Variants in MYOCD observed in about 807,000 individuals in gnomAD.
MYOCD encodes myocardin.
MYOCD carries 32 observed loss-of-function variants against 96.1 expected under a neutral mutation model. The observed-to-expected ratio is 0.33, with a 90% CI of 0.25 to 0.45. The LOEUF is 0.45. Ranked by LOEUF, MYOCD falls within the 20% of genes least tolerant of loss-of-function variation. MYOCD has a pLI of 1.00. For missense variants in MYOCD, 1,133 were observed against 1,200.6 expected (o/e 0.94, Z 0.83); for synonymous variants, 469 against 469.0 (o/e 1.00, Z 0.00).
chr17:12,685,907 G>A lies in MYOCD; in HGVS notation c.56-19221G>A, dbSNP rs191340528. Among the ~76,000 whole-genome samples the A allele has an allele frequency of 2.6e-5, 4 of 152,310 alleles. No homozygotes were observed. The East Asian group carries it at 7.7e-4, about 29-fold the overall frequency. ...AACTTGAATTTGTAGATACACACACGAATGCATGAGCACCAGGCTGGCCTG... is the reference window on the plus strand; with the variant it reads ...AACTTGAATTTGTAGATACACACACAAATGCATGAGCACCAGGCTGGCCTG... On this transcript the variant is annotated intron_variant, in intron 1 of 13. Coordinates refer to ENST00000425538, the MANE Select transcript of MYOCD (RefSeq NM_001146312.3).
chr17:12,678,814 G>A (rs1295354407), intron 1 of MYOCD, among the ~76,000 whole-genome samples: 1 of 152,124 alleles, frequency 6.6e-6, no homozygotes, highest in African/African-American at 2.4e-5. Context: ...TCCTGCCTCA[G>A]CCTCTGAAGT....
intron 1 of MYOCD, among the ~76,000 whole-genome samples, chr17:12,692,950 ACT>A (rs1567574403): frequency 1.3e-5 from 2 of 151,964 alleles, no homozygotes; most frequent in Non-Finnish European, 2.9e-5. Context: ...TAAACTCTGC[ACT>A]CTCTGGTCGC....
At chr17:12,707,731 A>C (rs1447759319) in intron 2 of MYOCD, among the ~76,000 whole-genome samples, 1 of 151,764 alleles carries the variant, frequency 6.6e-6, no homozygotes, top group Non-Finnish European at 1.5e-5. Context: ...ATAAATAAAT[A>C]AGTAAATAAA....
At chr17:12,689,012 T>C (rs1194059550) in intron 1 of MYOCD, among the ~76,000 whole-genome samples, 1 of 152,138 alleles carries the variant, frequency 6.6e-6, no homozygotes. Flanking sequence ...CACAAACACG[T>C]TGTTCTTAAA....
At chr17:12,723,716 CAG>C (rs1238986636) in intron 5 of MYOCD, among the ~76,000 whole-genome samples, 1 of 152,166 alleles carries the variant, frequency 6.6e-6, no homozygotes, top group Non-Finnish European at 1.5e-5. Context: ...ACTATGGTAT[CAG>C]GGAGAAAGGG....
At position 12,717,337 on chromosome 17, in the gene MYOCD, G is replaced by A; in HGVS notation, c.178-9G>A. The A allele has an allele frequency of 6.2e-7, 1 of 1,612,448 alleles. No individual in the cohort carries two copies. The highest frequency in any genetic ancestry group is 8.5e-7 in the Non-Finnish European group (1 of 1,178,850). On this transcript the variant is annotated splice_polypyrimidine_tract_variant and intron_variant, in intron 3 of 13. Transcript: ENST00000425538. The stretch of plus-strand genomic sequence containing the variant: ...AAACTAGGTGATTTCTCTTGTTTGG[G>A]TTCTACAGGCTAAAAATTCCCTGAA...
intron 10 of MYOCD, among the ~76,000 whole-genome samples, chr17:12,755,049 A>C (rs1282904775): frequency 6.6e-6 from 1 of 152,248 alleles, no homozygotes. Context: ...AGTAATTTTT[A>C]CAAACCTACA....
intron 10 of MYOCD, among the ~76,000 whole-genome samples, 185 bp from the exon 11 acceptor site, chr17:12,756,229 A>C (rs2033007925): frequency 6.6e-6 from 1 of 152,176 alleles, no homozygotes; most frequent in Admixed American, 6.5e-5. Context: ...GAGCCACTGG[A>C]AGTTTCTGAG....
Position 12,715,567 on chromosome 17 carries a change from G to T in MYOCD, c.170G>T (p.Ser57Ile). The stretch of plus-strand genomic sequence containing the variant: ...CATGAGCAAAGAAAACATTTGGATA[G>T]TGACAAGGTAATTTTTGCAAATTTC... ...EFHEQRKHLD[S>I]DKAKNSLKRK... Residue 57 changes from serine (S) to isoleucine (I), a missense_variant, in exon 3 of 14, where the codon AGT (serine) becomes ATT (isoleucine). Coordinates refer to ENST00000425538, the MANE Select transcript of MYOCD (RefSeq NM_001146312.3). 1.2e-6 allele frequency: 2 copies of T among 1,613,454 alleles called. No individual in the cohort carries two copies. Among genetic ancestry groups the T allele is most frequent in the South Asian group, 2.2e-5 (2 of 90,886 alleles).
chr17:12,688,954 A>C (rs1472548909), intron 1 of MYOCD, among the ~76,000 whole-genome samples: 2 of 152,168 alleles, frequency 1.3e-5, no homozygotes, highest in Non-Finnish European at 2.9e-5. Context: ...AACTAATGTG[A>C]ATTAATTAGT....
intron 1 of MYOCD, among the ~76,000 whole-genome samples, chr17:12,690,555 G>GA: frequency 6.6e-6 from 1 of 152,150 alleles, no homozygotes; most frequent in Middle Eastern, 3.4e-3. Flanking sequence ...AGAACATATT[G>GA]AAAAAAATGG....
Position 12,763,672 on chromosome 17 carries a change from G to A in MYOCD, c.*28G>A. The stretch of plus-strand genomic sequence containing the variant: ...TGCCCAATGCACCAGTGCTATGGAA[G>A]ACCAATGGAGTTCCATGGGGGAAAG... On this transcript the variant is annotated 3_prime_UTR_variant, in exon 14 of 14. Coordinates refer to ENST00000425538, the MANE Select transcript of MYOCD (RefSeq NM_001146312.3). 1 of 1,555,904 alleles carries A rather than the reference G, an allele frequency of 6.4e-7. No individual in the cohort carries two copies. Among genetic ancestry groups the A allele is most frequent in the Non-Finnish European group, 8.8e-7 (1 of 1,141,042 alleles).
intron 1 of MYOCD, among the ~76,000 whole-genome samples, chr17:12,676,236 C>T (rs929689631): frequency 7.7e-5 from 8 of 104,486 alleles, no homozygotes; most frequent in Admixed American, 5.8e-4. Context: ...CCTCCCCCTG[C>T]GCGCGCACGC....
At chr17:12,723,997 T>C (rs1245433212) in intron 5 of MYOCD, among the ~76,000 whole-genome samples, 1 of 152,156 alleles carries the variant, frequency 6.6e-6, no homozygotes, top group Non-Finnish European at 1.5e-5. Context: ...AAATATCAAC[T>C]CCAGGAGAGG....
chr17:12,726,908 T>C (rs185241436), intron 5 of MYOCD, among the ~76,000 whole-genome samples: 18 of 152,278 alleles, frequency 1.2e-4, no homozygotes, highest in East Asian at 3.9e-4. Context: ...TTGCCCATGA[T>C]TATTTGTCCA....
At position 12,763,744 on chromosome 17, in the gene MYOCD, GAGAATTAAA is replaced by G; in HGVS notation, c.*102_*110del. 9.2e-7 allele frequency: 1 copy of G among 1,090,700 alleles called. No individual in the cohort carries two copies. Among genetic ancestry groups the G allele is most frequent in the Non-Finnish European group, 1.3e-6 (1 of 776,522 alleles). The allele number at this position is 1,090,700 out of a possible 1,614,324, so 67.6% of individuals were successfully genotyped here. On this transcript the variant is annotated 3_prime_UTR_variant, in exon 14 of 14. Transcript: ENST00000425538. Reference sequence around the variant, plus strand: ...CTGTCCAAAAACAGAAGAAGAAGAAGAGAATTAAAAAGAAGCAATGATTTCTGTGCCAAT... The same window carrying G: ...CTGTCCAAAAACAGAAGAAGAAGAAGAAGAAGCAATGATTTCTGTGCCAAT...
chr17:12,673,110 G>A (rs543694972), intron 1 of MYOCD, among the ~76,000 whole-genome samples: 17 of 152,048 alleles, frequency 1.1e-4, no homozygotes, highest in African/African-American at 4.1e-4. Flanking sequence ...TTCTATTTCC[G>A]GAAACACTCT....
At chr17:12,681,345 A>G (rs1910454137) in intron 1 of MYOCD, among the ~76,000 whole-genome samples, 1 of 152,196 alleles carries the variant, frequency 6.6e-6, no homozygotes, top group Non-Finnish European at 1.5e-5. Flanking sequence ...GAAAGCCTCA[A>G]GCTCACAAAC....
At chr17:12,697,061 C>G (rs182176109) in intron 1 of MYOCD, among the ~76,000 whole-genome samples, 1 of 151,966 alleles carries the variant, frequency 6.6e-6, no homozygotes, top group Admixed American at 6.6e-5. Context: ...TTCCCATGCC[C>G]CATAACCAAT....
Sources: gnomAD v4.1 joint callset for allele counts (sites outside exome capture counted in the v4.1 genomes callset) on GRCh38, gnomAD v4.1.1 for gene constraint, MANE v1.5 for transcripts, NCBI Gene and HGNC (gene_info 2026-07-23, HGNC 2026-07-21) for gene names.